RPS6KA2: variants seen among roughly 807,000 people sequenced by gnomAD.
RPS6KA2 encodes the protein ribosomal protein S6 kinase A2.
Under a neutral mutation model 91.8 loss-of-function variants are expected in RPS6KA2, and 42 were observed. The observed-to-expected ratio is 0.46, with a 90% CI of 0.36 to 0.59. The LOEUF is 0.59. RPS6KA2 is among the 20% of genes least tolerant of loss of function. The pLI is 0.00. For missense variants in RPS6KA2, 798 were observed against 978.5 expected, an observed-to-expected ratio of 0.82 and a Z score of 2.46; for synonymous variants, 414 against 393.6, an observed-to-expected ratio of 1.05 and a Z score of -0.61.
chr6:166,448,037 C>A lies in RPS6KA2; in HGVS notation c.1332+687G>T, dbSNP rs1447516035. On this transcript the variant is annotated intron_variant, in intron 14 of 20. Coordinates refer to ENST00000265678, the MANE Select transcript of RPS6KA2 (RefSeq NM_021135.6). The surrounding 1 kb of genome is among the most constrained non-coding windows in gnomAD (Gnocchi z 4.7). ...TTTACTAACCAAAAATCTCTAGAAA[C>A]TGGTATTCTGGATTCCCAGATCAAA... Among the ~76,000 whole-genome samples, 1 of 152,182 alleles carries A rather than the reference C, an allele frequency of 6.6e-6. No individual in the cohort carries two copies. Among genetic ancestry groups the A allele is most frequent in the East Asian group, 1.9e-4 (1 of 5,204 alleles).
intron 2 of RPS6KA2, among the ~76,000 whole-genome samples, chr6:166,808,053 C>G (rs563099645): frequency 6.7e-6 from 1 of 149,972 alleles, no homozygotes. Flanking sequence ...AGCTCCCACC[C>G]CTGCAGGGCA....
chr6:166,731,992 A>AGAT (rs1790539409), intron 2 of RPS6KA2, among the ~76,000 whole-genome samples: 1 of 152,236 alleles, frequency 6.6e-6, no homozygotes, highest in African/African-American at 2.4e-5. Context: ...GTACAAAAGT[A>AGAT]GATGGAAAGG....
chr6:166,510,338 C>T lies in RPS6KA2; in HGVS notation c.318G>A (p.Ser106=), dbSNP rs1782418419. The T allele has an allele frequency of 7.5e-6, 12 of 1,599,602 alleles. No individual in the cohort carries two copies. Among genetic ancestry groups the T allele is most frequent in the South Asian group, 5.6e-5 (5 of 89,334 alleles). Residue 106 remains serine (S), a synonymous_variant, in exon 4 of 21, where the codon TCG becomes TCA. Transcript: ENST00000265678. ...ATLKVRDRVR[S]KMERDILAEV... ...CTGCCAAGATGTCTCTCTCCATCTT[C>T]GATCTCACTCGGTCCCGAACTGCAA...
intron 2 of RPS6KA2, among the ~76,000 whole-genome samples, chr6:166,715,118 G>A (rs1341292052): frequency 6.6e-6 from 1 of 151,906 alleles, no homozygotes. Flanking sequence ...TGGAGGGTGG[G>A]CAGGTGGAGC....
intron 1 of RPS6KA2, among the ~76,000 whole-genome samples, chr6:166,549,219 G>A (rs1004149519): frequency 3.3e-5 from 5 of 152,210 alleles, no homozygotes; most frequent in African/African-American, 1.2e-4. Flanking sequence ...TACGTTGCTG[G>A]TGTAAATATA....
chr6:166,626,863 G>A lies in RPS6KA2; in HGVS notation c.99+58C>T. 7.5e-7 allele frequency: 1 copy of A among 1,339,666 alleles called. No homozygotes were observed. The highest frequency in any genetic ancestry group is 9.7e-7 in the Non-Finnish European group (1 of 1,031,036). The allele number at this position is 1,339,666 out of a possible 1,614,324, so 83.0% of individuals were successfully genotyped here. On this transcript the variant is annotated intron_variant, in intron 1 of 20. Transcript: ENST00000265678. The surrounding 1 kb of genome is among the most constrained non-coding windows in gnomAD (Gnocchi z 4.1). ...ACCCAGGGGTGGCGAGGCGGGCTCG[G>A]GCGACCACGGCCCGCTCAGTGCCCG... is the stretch of plus-strand genomic sequence containing the variant.
At chr6:166,630,518 T>G (rs1787043759), upstream of RPS6KA2, among the ~76,000 whole-genome samples, 1 of 152,274 alleles carries the variant, frequency 6.6e-6, no homozygotes, top group Non-Finnish European at 1.5e-5. Flanking sequence ...GTTCACCTGA[T>G]GCAAAACTTC....
intron 2 of RPS6KA2, 114 bp from the exon 3 acceptor site, chr6:166,531,427 T>C (rs1207302436): frequency 1.3e-6 from 1 of 795,604 alleles, no homozygotes; most frequent in Non-Finnish European, 2.1e-6. Context: ...ATAAAACAAG[T>C]ACACTGGTGA....
chr6:166,430,398 G>A, intron 16 of RPS6KA2, 55 bp downstream of exon 16: 1 of 1,536,032 alleles, frequency 6.5e-7, no homozygotes, highest in East Asian at 2.3e-5. Flanking sequence ...TGTGGTTTTG[G>A]TTCCTGCCCT....
At chr6:166,754,953 C>T (rs1024052287) in intron 2 of RPS6KA2, among the ~76,000 whole-genome samples, 3 of 152,126 alleles carry the variant, frequency 2.0e-5, no homozygotes, top group African/African-American at 7.2e-5. Context: ...GCCTCAGCCT[C>T]CTCATGTGTG....
intron 2 of RPS6KA2, among the ~76,000 whole-genome samples, chr6:166,711,683 C>A (rs1789858359): frequency 6.6e-6 from 1 of 151,846 alleles, no homozygotes; most frequent in Non-Finnish European, 1.5e-5. Context: ...AAGGATGAAG[C>A]AACAGATGTT....
intron 2 of RPS6KA2, among the ~76,000 whole-genome samples, chr6:166,816,745 A>C (rs148687552): frequency 6.6e-6 from 1 of 152,296 alleles, no homozygotes; most frequent in Non-Finnish European, 1.5e-5. Flanking sequence ...AGTCAAACTC[A>C]CTCTCAGGAG....
At chr6:166,553,297 T>C (rs1201875286) in intron 1 of RPS6KA2, among the ~76,000 whole-genome samples, 3 of 150,314 alleles carry the variant, frequency 2.0e-5, no homozygotes, top group Non-Finnish European at 4.4e-5. Context: ...TTTCTTTGTA[T>C]TTTTTTGTAG....
At chr6:166,775,017 C>G (rs1583103780) in intron 2 of RPS6KA2, among the ~76,000 whole-genome samples, 1 of 152,228 alleles carries the variant, frequency 6.6e-6, no homozygotes, top group African/African-American at 2.4e-5. Context: ...ATAATGTGAC[C>G]TGCCCAGCCT....
At chr6:166,711,579 T>A (rs931519662) in intron 2 of RPS6KA2, among the ~76,000 whole-genome samples, 5 of 151,546 alleles carry the variant, frequency 3.3e-5, no homozygotes, top group African/African-American at 9.7e-5. Context: ...CAAATGGAAG[T>A]TTTAGACATG....
At chr6:166,458,686 C>CA (rs143089021) in intron 12 of RPS6KA2, among the ~76,000 whole-genome samples, 49 of 152,302 alleles carry the variant, frequency 3.2e-4, no homozygotes, top group Non-Finnish European at 6.3e-4. Flanking sequence ...AGCAAGAACA[C>CA]AGCTGTCTGC....
intron 2 of RPS6KA2, among the ~76,000 whole-genome samples, chr6:166,813,737 C>T (rs1377370332): frequency 6.6e-6 from 1 of 152,182 alleles, no homozygotes; most frequent in Non-Finnish European, 1.5e-5. Context: ...ATCTGTGTCT[C>T]TTCTAAGGAT....
At chr6:166,855,139 T>C (rs1391400243) in intron 2 of RPS6KA2, among the ~76,000 whole-genome samples, 2 of 151,912 alleles carry the variant, frequency 1.3e-5, no homozygotes, top group East Asian at 3.9e-4. Context: ...TGAGCACACG[T>C]GAACATAGAG....
intron 1 of RPS6KA2, chr6:166,586,123 A>C: frequency 2.8e-6 from 4 of 1,447,130 alleles, no homozygotes; most frequent in Non-Finnish European, 2.8e-6. Flanking sequence ...CATTTCTATC[A>C]GTAGTAACCG....
Sources: allele counts gnomAD v4.1 joint callset (sites outside exome capture counted in the v4.1 genomes callset), GRCh38; gene constraint gnomAD v4.1.1; non-coding constraint Gnocchi (gnomAD v3.1); transcripts MANE v1.5; gene names NCBI Gene and HGNC (gene_info 2026-07-23, HGNC 2026-07-21).